Variants in RARA observed in about 807,000 individuals in gnomAD.
RARA encodes the protein retinoic acid receptor alpha.
Under a neutral mutation model 42.8 loss-of-function variants are expected in RARA, and 5 were observed. That is an observed-to-expected ratio of 0.12 (90% confidence interval 0.06 to 0.25). The LOEUF is 0.25. RARA is among the 10% of genes least tolerant of loss of function. The pLI, the probability that RARA is intolerant of heterozygous loss-of-function variation, is 1.00. For missense variants in RARA, 402 were observed against 628.7 expected, an observed-to-expected ratio of 0.64 and a Z score of 3.86; for synonymous variants, 256 against 259.5, an observed-to-expected ratio of 0.99 and a Z score of 0.13.
chr17:40,341,568 GGCGAGCCCCGCGGGCGGGCTGGCGA>G lies in RARA; in HGVS notation c.179-6744_179-6720del, dbSNP rs1390567671. The G allele has an allele frequency of 8.0e-6, 11 of 1,369,744 alleles. 1 individual carries two copies. In the Admixed American group the frequency reaches 2.0e-4, roughly 25 times the overall value. 84.8% of individuals were successfully genotyped at this position (1,369,744 alleles called of 1,614,324 possible). A position where few individuals can be genotyped will look rare whatever the true frequency, so the allele number is the denominator to read the frequency against. On this transcript the variant is annotated intron_variant, in intron 2 of 8. Coordinates refer to ENST00000254066, the MANE Select transcript of RARA (RefSeq NM_000964.4). ...GGTTCGGCCGGGCAGGGGGCTGGCG[GGCGAGCCCCGCGGGCGGGCTGGCGA>G]GCGGGTGATGTCACGGGCAGCGGTG...
chr17:40,311,895 C>T (rs949566460), intron 1 of RARA, among the ~76,000 whole-genome samples: 1 of 152,238 alleles, frequency 6.6e-6, no homozygotes, highest in Admixed American at 6.5e-5. Context: ...TTGGGGGCAG[C>T]ACATGCCCAG....
At position 40,332,126 on chromosome 17, in the gene RARA, C is replaced by T. The variant is rs573609955; in HGVS notation, c.178+730C>T. Among the ~76,000 whole-genome samples the T allele has an allele frequency of 1.4e-3, 216 of 152,304 alleles. 1 individual carries two copies. Among genetic ancestry groups the T allele is most frequent in the African/African-American group, 5.1e-3 (210 of 41,556 alleles). On this transcript the variant is annotated intron_variant, in intron 2 of 8. Coordinates refer to ENST00000254066, the MANE Select transcript of RARA (RefSeq NM_000964.4). ...GTCTCAGTACCCTTCGCCGGCTGGCCGAGCCAGGTAGTGGGAGGTGGCGGC... is the reference window on the plus strand; with the variant it reads ...GTCTCAGTACCCTTCGCCGGCTGGCTGAGCCAGGTAGTGGGAGGTGGCGGC...
At chr17:40,316,471 T>A (rs2143170146) in intron 1 of RARA, among the ~76,000 whole-genome samples, 1 of 152,370 alleles carries the variant, frequency 6.6e-6, no homozygotes, top group East Asian at 1.9e-4. Context: ...ATGGCAGGTG[T>A]ACCTGAAGGT....
intron 2 of RARA, among the ~76,000 whole-genome samples, chr17:40,339,776 G>T (rs1442077691): frequency 6.6e-6 from 1 of 152,158 alleles, no homozygotes; most frequent in African/African-American, 2.4e-5. Flanking sequence ...TAACCATTTG[G>T]GACATCTTTT....
chr17:40,310,801 A>G (rs1202808463), intron 1 of RARA, among the ~76,000 whole-genome samples: 1 of 152,120 alleles, frequency 6.6e-6, no homozygotes, highest in Non-Finnish European at 1.5e-5. Context: ...CACAGAGACA[A>G]TGTATCGTAA....
intron 1 of RARA, chr17:40,322,848 G>C (rs568232466): frequency 1.1e-4 from 16 of 152,296 alleles, no homozygotes; most frequent in Middle Eastern, 3.4e-3. Context: ...CTTCCCTCCA[G>C]CTCCAGGTAG....
At chr17:40,339,927 T>A (rs2033979490) in intron 2 of RARA, among the ~76,000 whole-genome samples, 1 of 152,104 alleles carries the variant, frequency 6.6e-6, no homozygotes, top group South Asian at 2.1e-4. Context: ...ATTAGTCTCA[T>A]CCACTGTCAA....
At chr17:40,315,193 C>CACGTATAT in intron 1 of RARA, among the ~76,000 whole-genome samples, 1 of 141,676 alleles carries the variant, frequency 7.1e-6, no homozygotes, top group Non-Finnish European at 1.5e-5. Context: ...CACACACACA[C>CACGTATAT]ACGTATATAT....
In RARA at chr17:40,349,721, C is replaced by G. The variant is rs572471800; in HGVS notation, c.328-63C>G. On this transcript the variant is annotated intron_variant, in intron 3 of 8. Coordinates refer to ENST00000254066, the MANE Select transcript of RARA (RefSeq NM_000964.4). ...TGGCCCTCCTCCCCTAGACTGAGAC[C>G]GTAGCCAGGCACTGCTCCCACTGTG... The G allele has an allele frequency of 2.5e-6, 4 of 1,595,476 alleles. No individual in the cohort carries two copies. In the Admixed American group the frequency reaches 5.0e-5, roughly 20 times the overall value.
rs1306927951 is a variant in RARA, at chr17:40,351,181, G to A, written c.470-729G>A. Among the ~76,000 whole-genome samples the A allele has an allele frequency of 6.7e-6, 1 of 150,176 alleles. No homozygotes were observed. The highest frequency in any genetic ancestry group is 1.9e-4 in the East Asian group (1 of 5,148). ...TGCACTTTATTGAATTTGCAGAATCGACATGAGTGATCTCCAAATTATGCC... is the reference window on the plus strand; with the variant it reads ...TGCACTTTATTGAATTTGCAGAATCAACATGAGTGATCTCCAAATTATGCC... On this transcript the variant is annotated intron_variant, in intron 4 of 8. Coordinates refer to ENST00000254066, the MANE Select transcript of RARA (RefSeq NM_000964.4). The surrounding 1 kb of genome is among the most constrained non-coding windows in gnomAD (Gnocchi z 4.1).
intron 1 of RARA, 148 bp from the exon 2 acceptor site, chr17:40,330,709 C>A (rs1233218452): frequency 1.0e-5 from 2 of 191,280 alleles, no homozygotes; most frequent in Non-Finnish European, 1.1e-5. Context: ...GCTTCCAGGT[C>A]ATCTCTGCCA....
intron 2 of RARA, among the ~76,000 whole-genome samples, chr17:40,337,693 C>T (rs1292563105): frequency 6.6e-6 from 1 of 152,194 alleles, no homozygotes; most frequent in African/African-American, 2.4e-5. Context: ...GATGGGAGCC[C>T]CAAAAGGGTG....
At chr17:40,342,876 C>A (rs763217229) in intron 2 of RARA, 2 of 1,607,874 alleles carry the variant, frequency 1.2e-6, no homozygotes, top group African/African-American at 2.7e-5. Flanking sequence ...CTGTACGTAC[C>A]GGCCTCTCAG....
chr17:40,348,210 G>A (rs1036404835), intron 2 of RARA, 106 bp from the exon 3 acceptor site: 30 of 1,341,302 alleles, frequency 2.2e-5, no homozygotes, highest in Admixed American at 5.6e-5. Flanking sequence ...GCCAGCAGTG[G>A]TGAGGCTGGG....
Position 40,357,439 on chromosome 17 carries a change from C to G in RARA, c.*1213C>G, listed in dbSNP as rs2034679714. ...GCCCCCCACCCCCAACCTGTCCCAC[C>G]CCCGTGCCCCCTCCTTACCCCGCAG... On this transcript the variant is annotated 3_prime_UTR_variant, in exon 9 of 9. Coordinates refer to ENST00000254066, the MANE Select transcript of RARA (RefSeq NM_000964.4). 1 of 232,634 alleles carries G rather than the reference C, an allele frequency of 4.3e-6. No individual in the cohort carries two copies. The highest frequency in any genetic ancestry group is 6.1e-5 in the East Asian group (1 of 16,514). 14.4% of individuals were successfully genotyped at this position (232,634 alleles called of 1,614,324 possible).
intron 1 of RARA, among the ~76,000 whole-genome samples, chr17:40,327,515 C>T (rs931923467): frequency 4.6e-5 from 7 of 152,186 alleles, no homozygotes; most frequent in East Asian, 1.9e-4. Flanking sequence ...GTGTGAGGTT[C>T]GGAGAATGTA....
chr17:40,354,902 G>T lies in RARA; in HGVS notation c.1013-361G>T, dbSNP rs954574947. ...GTGCCCAGAGCGAGCTCCAGTGCTT[G>T]TTAGTTGCTATTTTATTGTTGTGAT... On this transcript the variant is annotated intron_variant, in intron 7 of 8. Transcript: ENST00000254066. The surrounding 1 kb of genome is among the most constrained non-coding windows in gnomAD (Gnocchi z 4.5). 6.6e-5 allele frequency among the ~76,000 whole-genome samples: 10 copies of T among 152,344 alleles called. No homozygotes were observed. The highest frequency in any genetic ancestry group is 3.9e-4 in the Admixed American group (6 of 15,308).
In RARA at chr17:40,357,212, A is replaced by G. The variant is rs1352697880; in HGVS notation, c.*986A>G. The G allele has an allele frequency of 1.3e-5, 3 of 239,290 alleles. No individual in the cohort carries two copies. The highest frequency in any genetic ancestry group is 6.0e-5 in the East Asian group (1 of 16,638). The allele number at this position is 239,290 out of a possible 1,614,324, so 14.8% of individuals were successfully genotyped here. On this transcript the variant is annotated 3_prime_UTR_variant, in exon 9 of 9. Coordinates refer to ENST00000254066, the MANE Select transcript of RARA (RefSeq NM_000964.4). Reference sequence around the variant, plus strand: ...AGAGCTGCCTCCCGTCAGGGCCCACATCATCTAGGCTCCCCAGCCCCCACT... The same window carrying G: ...AGAGCTGCCTCCCGTCAGGGCCCACGTCATCTAGGCTCCCCAGCCCCCACT...
In RARA at chr17:40,345,556, G is replaced by A. The variant is rs2034236394; in HGVS notation, c.179-2760G>A. ...CCTGCCAGGATGGGGAGCGAGGGAG[G>A]GGCACCCTGGCAGCGTCGGCGGGAG... On this transcript the variant is annotated intron_variant, in intron 2 of 8. Transcript: ENST00000254066. The surrounding 1 kb of genome is among the most constrained non-coding windows in gnomAD (Gnocchi z 4.8). Among the ~76,000 whole-genome samples, 1 of 152,234 alleles carries A rather than the reference G, an allele frequency of 6.6e-6. No homozygotes were observed. The highest frequency in any genetic ancestry group is 2.1e-4 in the South Asian group (1 of 4,834).
Sources: allele counts gnomAD v4.1 joint callset (sites outside exome capture counted in the v4.1 genomes callset), GRCh38; gene constraint gnomAD v4.1.1; non-coding constraint Gnocchi (gnomAD v3.1); transcripts MANE v1.5; gene names NCBI Gene and HGNC (gene_info 2026-07-23, HGNC 2026-07-21).